Variants in PPP2R2B observed in about 807,000 individuals in gnomAD.
The protein encoded by PPP2R2B is protein phosphatase 2 regulatory subunit Bbeta, also known as serine/threonine-protein phosphatase 2A 55 kDa regulatory subunit B beta isoform.
A neutral mutation model predicts 46.0 loss-of-function variants in PPP2R2B; 5 were observed. The ratio of observed to expected loss-of-function variants is 0.11; its 90% CI spans 0.06 to 0.23. The LOEUF is 0.23. PPP2R2B is among the 10% of genes least tolerant of loss of function. The probability of loss-of-function intolerance (pLI) is 1.00; values close to 1 mark genes in which losing one functional copy is unlikely to be tolerated. For synonymous variants in PPP2R2B, 215 were observed against 206.7 expected (o/e 1.04, Z -0.34); for missense variants, 367 against 575.0 (o/e 0.64, Z 3.70).
At chr5:146,738,195 GAC>G (rs1017436078) in intron 2 of PPP2R2B, among the ~76,000 whole-genome samples, 32 of 152,014 alleles carry the variant, frequency 2.1e-4, no homozygotes, top group African/African-American at 6.3e-4. Flanking sequence ...AGGAGATCGA[GAC>G]CATCGTGGCT....
At chr5:146,831,528 CT>C (rs1171634049) in intron 2 of PPP2R2B, among the ~76,000 whole-genome samples, 5 of 139,120 alleles carry the variant, frequency 3.6e-5, no homozygotes, top group African/African-American at 1.3e-4. Flanking sequence ...AAAAAAGCCT[CT>C]GGGTTGATAG....
intron 1 of PPP2R2B, among the ~76,000 whole-genome samples, chr5:146,916,957 T>G (rs138439194): frequency 6.6e-6 from 1 of 152,080 alleles, no homozygotes; most frequent in African/African-American, 2.4e-5. Flanking sequence ...TATACAAATA[T>G]AAGTAATTAC....
At chr5:146,814,286 C>A (rs117980625) in intron 2 of PPP2R2B, among the ~76,000 whole-genome samples, 1 of 150,936 alleles carries the variant, frequency 6.6e-6, no homozygotes, top group Non-Finnish European at 1.5e-5. Context: ...CTTCTTCAAA[C>A]GCTGCTTTCT....
intron 2 of PPP2R2B, among the ~76,000 whole-genome samples, chr5:146,803,246 C>A (rs574517432): frequency 1.3e-5 from 2 of 152,246 alleles, no homozygotes; most frequent in East Asian, 1.9e-4. Flanking sequence ...AATTTCCCCA[C>A]ATTTTGTATT....
chr5:147,048,110 A>G (rs1185189723), intron 1 of PPP2R2B, among the ~76,000 whole-genome samples: 1 of 152,194 alleles, frequency 6.6e-6, no homozygotes, highest in African/African-American at 2.4e-5. Flanking sequence ...ACGCATAGCC[A>G]GGGTTAAAAC....
intron 1 of PPP2R2B, among the ~76,000 whole-genome samples, chr5:146,988,820 A>AAAAAGATGGT (rs1186245903): frequency 6.6e-6 from 1 of 152,008 alleles, no homozygotes; most frequent in Non-Finnish European, 1.5e-5. Context: ...TCAACAAAAC[A>AAAAAGATGGT]AAAAGATGGT....
intron 1 of PPP2R2B, among the ~76,000 whole-genome samples, chr5:146,976,076 G>T (rs1752885753): frequency 6.7e-6 from 1 of 149,412 alleles, no homozygotes. Context: ...TCTCTCCTAA[G>T]CTTTTACCTA....
At chr5:146,903,315 G>C (rs1241772039) in intron 1 of PPP2R2B, among the ~76,000 whole-genome samples, 1 of 149,608 alleles carries the variant, frequency 6.7e-6, no homozygotes, top group African/African-American at 2.5e-5. Context: ...GTGGTCCTCA[G>C]ACCAAATAGT....
At chr5:146,835,091 G>C (rs1561944827) in intron 2 of PPP2R2B, among the ~76,000 whole-genome samples, 2 of 152,102 alleles carry the variant, frequency 1.3e-5, no homozygotes, top group African/African-American at 2.4e-5. Flanking sequence ...GAACAAACAG[G>C]TGCATGGATT....
At chr5:146,850,603 T>G (rs148289644) in intron 2 of PPP2R2B, among the ~76,000 whole-genome samples, 64 of 152,220 alleles carry the variant, frequency 4.2e-4, no homozygotes, top group African/African-American at 1.4e-3. Flanking sequence ...CATCTCCTCT[T>G]CAACAGAGCT....
chr5:146,621,550 C>A (rs751592109), intron 7 of PPP2R2B, among the ~76,000 whole-genome samples: 1 of 152,150 alleles, frequency 6.6e-6, no homozygotes, highest in Non-Finnish European at 1.5e-5. Context: ...AGGATTAAAC[C>A]GCTGGTTTGG....
At chr5:146,705,052 A>C (rs1355533217) in intron 2 of PPP2R2B, among the ~76,000 whole-genome samples, 1 of 152,234 alleles carries the variant, frequency 6.6e-6, no homozygotes, top group Non-Finnish European at 1.5e-5. Flanking sequence ...ATCTAAACTC[A>C]AAGTCTACAG....
intron 2 of PPP2R2B, among the ~76,000 whole-genome samples, chr5:146,862,858 G>T (rs1761087702): frequency 1.7e-5 from 2 of 115,854 alleles, no homozygotes; most frequent in African/African-American, 4.1e-5. Context: ...TCAAGTAATT[G>T]GAAAAAAAAA....
chr5:146,970,831 T>A (rs944164439), intron 1 of PPP2R2B, among the ~76,000 whole-genome samples: 2 of 152,100 alleles, frequency 1.3e-5, no homozygotes, highest in South Asian at 4.1e-4. Flanking sequence ...ACTAACATTC[T>A]TTTCTAATCA....
At chr5:147,030,466 T>C (rs1755729790) in intron 1 of PPP2R2B, among the ~76,000 whole-genome samples, 1 of 152,112 alleles carries the variant, frequency 6.6e-6, no homozygotes, top group Non-Finnish European at 1.5e-5. Flanking sequence ...TTTTCATGCT[T>C]ATTGATAATA....
intron 2 of PPP2R2B, among the ~76,000 whole-genome samples, chr5:146,855,677 C>G (rs113761022): frequency 1.1e-4 from 16 of 152,252 alleles, no homozygotes; most frequent in African/African-American, 3.6e-4. Context: ...TTCATACAAA[C>G]TCTGTTACAA....
At chr5:147,040,633 G>C in intron 1 of PPP2R2B, 1 of 373,992 alleles carries the variant, frequency 2.7e-6, no homozygotes, top group Non-Finnish European at 5.3e-6. Flanking sequence ...ATGCTTCAGG[G>C]GCTCAGTGTG....
At chr5:146,706,694 G>T (rs555701596) in intron 2 of PPP2R2B, 1 of 872,820 alleles carries the variant, frequency 1.1e-6, no homozygotes, top group Non-Finnish European at 1.9e-6. Flanking sequence ...TGATGTTCCG[G>T]TTCATCTCAG....
At chr5:146,633,289 T>C (rs886841616) in intron 7 of PPP2R2B, among the ~76,000 whole-genome samples, 1 of 152,212 alleles carries the variant, frequency 6.6e-6, no homozygotes, top group Non-Finnish European at 1.5e-5. Context: ...TATTAAATAC[T>C]CTCCTTCTCA....
Sources: allele counts gnomAD v4.1 joint callset (sites outside exome capture counted in the v4.1 genomes callset), GRCh38; gene constraint gnomAD v4.1.1; transcripts MANE v1.5; gene names NCBI Gene and HGNC (gene_info 2026-07-23, HGNC 2026-07-21).